Variants in PMS1 observed in about 807,000 individuals in gnomAD.
PMS1 encodes PMS1 protein homolog 1.
Under a neutral mutation model 93.1 loss-of-function variants are expected in PMS1, and 79 were observed. The ratio of observed to expected loss-of-function variants is 0.85; its 90% confidence interval spans 0.71 to 1.02. The LOEUF (loss-of-function observed/expected upper bound fraction) is 1.02. PMS1 is among the 50% of genes least tolerant of loss of function. The pLI is 0.00. For synonymous variants in PMS1, 335 were observed against 363.4 expected (o/e 0.92, Z 0.89); for missense variants, 1,064 against 1,085.3 (o/e 0.98, Z 0.28).
chr2:189,854,306 C>T lies in PMS1; in HGVS notation c.1034C>T (p.Ser345Phe). ...TCYGPLPSTN[S>F]YENNKTDVSA... ...TATGGACCATTACCTAGTACAAATT[C>T]TTATGAAAATAATAAAACAGATGTT... Residue 345 changes from serine to phenylalanine, a missense_variant, in exon 9 of 13, where the codon TCT becomes TTT. Physicochemically the swap from Ser to Phe is radical, Grantham distance 155. Transcript: ENST00000441310. 1.3e-6 allele frequency: 2 copies of T among 1,593,074 alleles called. No homozygotes were observed. The highest frequency in any genetic ancestry group is 4.5e-5 in the East Asian group (2 of 44,604).
At chr2:189,831,005 G>A (rs1204674189) in intron 5 of PMS1, among the ~76,000 whole-genome samples, 4 of 152,180 alleles carry the variant, frequency 2.6e-5, no homozygotes, top group African/African-American at 7.2e-5. Flanking sequence ...AACTCTGAAC[G>A]TGATTTTCAT....
intron 5 of PMS1, among the ~76,000 whole-genome samples, chr2:189,839,782 T>C (rs2053670447): frequency 6.6e-6 from 1 of 152,238 alleles, no homozygotes. Context: ...TATCTTTATA[T>C]TCCCAGATTT....
At chr2:189,861,164 T>C (rs1464944218) in intron 9 of PMS1, among the ~76,000 whole-genome samples, 1 of 151,982 alleles carries the variant, frequency 6.6e-6, no homozygotes, top group Non-Finnish European at 1.5e-5. Context: ...AGGAGCCCTT[T>C]AGGGTTAAAA....
At chr2:189,811,281 GAA>G (rs370077425) in intron 4 of PMS1, among the ~76,000 whole-genome samples, 2,195 of 113,678 alleles carry the variant, frequency 0.019, 60 homozygotes, top group African/African-American at 0.062. Flanking sequence ...AACAAAATCT[GAA>G]AAAAAAAAAA....
chr2:189,835,822 G>A (rs1177323900), intron 5 of PMS1, among the ~76,000 whole-genome samples: 3 of 151,332 alleles, frequency 2.0e-5, no homozygotes, highest in Non-Finnish European at 4.4e-5. Context: ...CAGCTAATCG[G>A]GAGGCTGAGG....
intron 5 of PMS1, among the ~76,000 whole-genome samples, chr2:189,837,561 A>G (rs981614804): frequency 7.9e-5 from 12 of 152,226 alleles, no homozygotes; most frequent in African/African-American, 2.9e-4. Context: ...GCTTAAAACT[A>G]GAGCCATAAT....
At chr2:189,797,331 T>C (rs1401462841) in intron 3 of PMS1, among the ~76,000 whole-genome samples, 1 of 152,216 alleles carries the variant, frequency 6.6e-6, no homozygotes, top group East Asian at 1.9e-4. Context: ...AGTTCAGTGC[T>C]TGGCACATTC....
In PMS1 at chr2:189,854,766, G is replaced by A. The variant is rs2055139812; in HGVS notation, c.1494G>A (p.Trp498Ter). 2 of 1,613,796 alleles carry A rather than the reference G, an allele frequency of 1.2e-6. No homozygotes were observed. Among genetic ancestry groups the A allele is most frequent in the Non-Finnish European group, 1.7e-6 (2 of 1,179,802 alleles). The change falls in exon 9 of 13, where the codon TGG (tryptophan) becomes TGA (stop). Residue 498 changes from tryptophan to a stop codon, truncating the protein, a stop_gained. Coordinates refer to ENST00000441310, the MANE Select transcript of PMS1 (RefSeq NM_000534.5). LOFTEE classifies it high-confidence loss of function. ...ENSSEISADE[W>*]SRGNILKNSV... is the part of the protein sequence containing the mutation. ...CTTCGGAAATTTCTGCAGATGAGTG[G>A]AGCAGGGGAAATATACTTAAAAATT...
At chr2:189,847,274 A>G (rs2054334231) in intron 6 of PMS1, among the ~76,000 whole-genome samples, 1 of 152,048 alleles carries the variant, frequency 6.6e-6, no homozygotes, top group African/African-American at 2.4e-5. Flanking sequence ...TTGAATCTGA[A>G]GGGTCATTTC....
At position 189,818,091 on chromosome 2, in the gene PMS1, T is replaced by C. The variant is rs989908755; in HGVS notation, c.493T>C (p.Cys165Arg). ...RKQFYSTAKK[C>R]KDEIKKIQDL... The stretch of plus-strand genomic sequence containing the variant: ...GCAGTTTTACTCAACTGCAAAAAAA[T>C]GTAAAGATGAAATAAAAAAGATCCA... Residue 165 changes from cysteine (C) to arginine (R), a missense_variant, in exon 5 of 13, where the codon TGT becomes CGT. Cys to Arg is a radical substitution (Grantham distance 180). Coordinates refer to ENST00000441310, the MANE Select transcript of PMS1 (RefSeq NM_000534.5). 1 of 1,605,720 alleles carries C rather than the reference T, an allele frequency of 6.2e-7. No individual in the cohort carries two copies. The highest frequency in any genetic ancestry group is 1.3e-5 in the African/African-American group (1 of 74,800).
At chr2:189,863,607 A>G (rs2056270400) in intron 9 of PMS1, 136 bp from the exon 10 acceptor site, 1 of 670,006 alleles carries the variant, frequency 1.5e-6, no homozygotes, top group Non-Finnish European at 2.6e-6. Flanking sequence ...TATATGCAGG[A>G]GAGTTAGTCT....
chr2:189,806,014 T>C, intron 4 of PMS1: 1 of 1,177,778 alleles, frequency 8.5e-7, no homozygotes, highest in South Asian at 1.9e-5. Context: ...ACTAAGAGTA[T>C]TTATTTTACC....
chr2:189,833,500 T>G (rs1237075699), intron 5 of PMS1, among the ~76,000 whole-genome samples: 2 of 152,142 alleles, frequency 1.3e-5, no homozygotes, highest in African/African-American at 4.8e-5. Flanking sequence ...GAGAATTACT[T>G]AAACCTGGGA....
At chr2:189,863,711 T>A (rs376177939) in intron 9 of PMS1, 32 bp from the exon 10 acceptor site, 33 of 1,467,604 alleles carry the variant, frequency 2.2e-5, no homozygotes, top group African/African-American at 4.2e-5. Context: ...CTGATTATGA[T>A]CTCATTAGTT....
intron 6 of PMS1, among the ~76,000 whole-genome samples, chr2:189,847,447 T>G (rs1316243577): frequency 6.6e-6 from 1 of 151,466 alleles, no homozygotes; most frequent in African/African-American, 2.4e-5. Flanking sequence ...AGAGATCTGA[T>G]TTTTAAACTG....
At chr2:189,876,762 C>T (rs1001726505) in intron 12 of PMS1, among the ~76,000 whole-genome samples, 17 of 150,230 alleles carry the variant, frequency 1.1e-4, no homozygotes, top group South Asian at 4.2e-4. Context: ...CATGCCCCAC[C>T]GTGCCCACTT....
At chr2:189,852,979 T>C (rs1254298368) in intron 7 of PMS1, among the ~76,000 whole-genome samples, 2 of 152,198 alleles carry the variant, frequency 1.3e-5, no homozygotes, top group East Asian at 3.8e-4. Flanking sequence ...CCATTTATAG[T>C]GAGGAAACAA....
At chr2:189,837,652 G>A (rs1444575774) in intron 5 of PMS1, among the ~76,000 whole-genome samples, 2 of 152,138 alleles carry the variant, frequency 1.3e-5, no homozygotes, top group Non-Finnish European at 2.9e-5. Flanking sequence ...AAAACATGGA[G>A]CTACCATGTG....
Position 189,854,631 on chromosome 2 carries a change from T to C in PMS1, c.1359T>C (p.Tyr453=). The change falls in exon 9 of 13, where the codon TAT becomes TAC. Residue 453 remains tyrosine (Y), a synonymous_variant. Transcript: ENST00000441310. ...NVSWENSQTE[Y]SKTCFISSVK... is the part of the protein sequence containing the mutation. ...CATGGGAGAACTCTCAGACGGAATA[T>C]AGTAAAACTTGTTTTATAAGTTCCG... 1.2e-6 allele frequency: 2 copies of C among 1,614,006 alleles called. No individual in the cohort carries two copies. The highest frequency in any genetic ancestry group is 1.7e-6 in the Non-Finnish European group (2 of 1,179,918).
Sources: allele counts gnomAD v4.1 joint callset (sites outside exome capture counted in the v4.1 genomes callset), GRCh38; gene constraint gnomAD v4.1.1; transcripts MANE v1.5; gene names NCBI Gene and HGNC (gene_info 2026-07-23, HGNC 2026-07-21).